The following RADIL variants were observed in gnomAD, a reference collection of about 807,000 sequenced individuals.
RADIL encodes ras-associating and dilute domain-containing protein.
Under a neutral mutation model 97.6 loss-of-function variants are expected in RADIL, and 99 were observed. The observed-to-expected ratio is 1.01, with a 90% CI of 0.86 to 1.20. RADIL has a LOEUF of 1.20. Ranked by LOEUF, RADIL falls within the 50% of genes most tolerant of loss-of-function variation. RADIL has a pLI of 0.00. For synonymous variants in RADIL, 803 were observed against 691.8 expected, an observed-to-expected ratio of 1.16 and a Z score of -2.52; for missense variants, 1,765 against 1,498.9, an observed-to-expected ratio of 1.18 and a Z score of -2.93.
At chr7:4,809,077 G>C (rs915296033) in intron 9 of RADIL, 1 of 980,316 alleles carries the variant, frequency 1.0e-6, no homozygotes, top group African/African-American at 1.8e-5. Flanking sequence ...GCCCCTCCGC[G>C]TCTCCTGTAG....
intron 2 of RADIL, chr7:4,865,346 G>T: frequency 1.8e-6 from 1 of 567,708 alleles, no homozygotes. Context: ...TATTTTTACT[G>T]TTTCTTTTCT....
At chr7:4,851,745 A>G (rs547409642) in intron 2 of RADIL, among the ~76,000 whole-genome samples, 3 of 152,280 alleles carry the variant, frequency 2.0e-5, no homozygotes, top group Admixed American at 6.5e-5. Flanking sequence ...AAATTAAAGA[A>G]CTGTTCAGCA....
intron 2 of RADIL, among the ~76,000 whole-genome samples, chr7:4,839,250 A>G (rs904253600): frequency 1.3e-5 from 2 of 152,220 alleles, no homozygotes; most frequent in African/African-American, 4.8e-5. Flanking sequence ...CCCCAAAGTC[A>G]TTCAGGAGTA....
intron 2 of RADIL, chr7:4,860,251 G>A (rs115215129): frequency 6.2e-6 from 10 of 1,613,920 alleles, no homozygotes; most frequent in South Asian, 3.3e-5. Context: ...AGCTGCTGTC[G>A]TTCAAATCTG....
intron 9 of RADIL, among the ~76,000 whole-genome samples, chr7:4,810,007 G>A (rs114167545): frequency 0.03 from 4,493 of 151,896 alleles, 90 homozygotes; most frequent in Middle Eastern, 0.051. Flanking sequence ...GTATATTTAC[G>A]CCATGCCTGG....
In RADIL at chr7:4,846,809, A is replaced by C. The variant is rs564200585; in HGVS notation, c.536-10204T>G. Among the ~76,000 whole-genome samples the C allele has an allele frequency of 5.9e-5, 9 of 152,006 alleles. No individual in the cohort carries two copies. In the South Asian group the frequency reaches 1.9e-3, roughly 32 times the overall value. On this transcript the variant is annotated intron_variant, in intron 2 of 14. Transcript: ENST00000399583. ...TGATCCACCCACCTCAGCCTCCCGAACTGCTGGGATTATAGGCATGAGCCA... is the reference window on the plus strand; with the variant it reads ...TGATCCACCCACCTCAGCCTCCCGACCTGCTGGGATTATAGGCATGAGCCA...
rs1783323144 is a variant in RADIL, at chr7:4,837,176, G to A, written c.536-571C>T. Among the ~76,000 whole-genome samples, 1 of 152,182 alleles carries A rather than the reference G, an allele frequency of 6.6e-6. No homozygotes were observed. The highest frequency in any genetic ancestry group is 6.5e-5 in the Admixed American group (1 of 15,280). ...AGCCTGCCTGTCAAATCCTCAGGCT[G>A]AGGGGACCACGCCTCCCCTGCAGCA... On this transcript the variant is annotated intron_variant, in intron 2 of 14. Transcript: ENST00000399583. This position sits in a 1 kb window ranked among gnomAD's most constrained non-coding sequence, Gnocchi z 5.6.
chr7:4,804,534 C>A (rs112207850), intron 10 of RADIL, among the ~76,000 whole-genome samples: 2,249 of 152,360 alleles, frequency 0.015, 55 homozygotes, highest in African/African-American at 0.051. Context: ...CGCCTGTAAT[C>A]CCAGCACTTT....
rs891650373 is a variant in RADIL at position 4,799,140 on chromosome 7, C to G, written c.*238G>C. 3.6e-6 allele frequency: 2 copies of G among 548,116 alleles called. No homozygotes were observed. The highest frequency in any genetic ancestry group is 1.9e-5 in the African/African-American group (1 of 52,668). The allele number at this position is 548,116 out of a possible 1,614,324, so 34.0% of individuals were successfully genotyped here. ...AAAAATAGTTTATTGAACCGTACTTCTCCATTGAAGTCTTTAAACATAAAA... is the reference window on the plus strand; with the variant it reads ...AAAAATAGTTTATTGAACCGTACTTGTCCATTGAAGTCTTTAAACATAAAA... On this transcript the variant is annotated 3_prime_UTR_variant, in exon 15 of 15. Transcript: ENST00000399583.
intron 2 of RADIL, among the ~76,000 whole-genome samples, chr7:4,850,288 C>T (rs1783677981): frequency 6.9e-6 from 1 of 145,838 alleles, no homozygotes; most frequent in African/African-American, 2.5e-5. Context: ...TGTAAGAAGT[C>T]CCCTGCAGAA....
intron 7 of RADIL, 90 bp from the exon 8 acceptor site, chr7:4,816,555 C>T (rs1183121432): frequency 6.5e-6 from 7 of 1,072,680 alleles, no homozygotes; most frequent in South Asian, 2.9e-5. Flanking sequence ...TCCCCACCCA[C>T]GCACTGCTTG....
intron 2 of RADIL, among the ~76,000 whole-genome samples, chr7:4,866,352 TAAATCCATG>T (rs1253429884): frequency 6.6e-6 from 1 of 152,208 alleles, no homozygotes; most frequent in Non-Finnish European, 1.5e-5. Flanking sequence ...CATTTATTTA[TAAATCCATG>T]AAATGGATTT....
At position 4,802,411 on chromosome 7, in the gene RADIL, C is replaced by G. The variant is rs571927109; in HGVS notation, c.2500-416G>C. Among the ~76,000 whole-genome samples, 81 of 146,492 alleles carry G rather than the reference C, an allele frequency of 5.5e-4. No homozygotes were observed. In the South Asian group the frequency reaches 8.0e-3, roughly 15 times the overall value. On this transcript the variant is annotated intron_variant, in intron 11 of 14. Transcript: ENST00000399583. Reference sequence around the variant, plus strand: ...ACCTCGGGGCACGCTGGCTGGGCCCCCTCCCCGGGCACCTCGGGGCACGCT... The same window carrying G: ...ACCTCGGGGCACGCTGGCTGGGCCCGCTCCCCGGGCACCTCGGGGCACGCT...
chr7:4,861,825 C>T, intron 2 of RADIL: 1 of 1,421,440 alleles, frequency 7.0e-7, no homozygotes, highest in Non-Finnish European at 9.2e-7. Flanking sequence ...CAGCGCCCGC[C>T]CCGCCAGGGC....
At chr7:4,823,410 T>C (rs1782889563) in intron 5 of RADIL, among the ~76,000 whole-genome samples, 1 of 145,122 alleles carries the variant, frequency 6.9e-6, no homozygotes, top group African/African-American at 2.5e-5. Context: ...CCTTAAGCAA[T>C]CCTCTTGCTT....
intron 2 of RADIL, among the ~76,000 whole-genome samples, chr7:4,851,506 C>T (rs970302287): frequency 1.3e-5 from 2 of 152,154 alleles, no homozygotes; most frequent in African/African-American, 2.4e-5. Context: ...AGACTGCCAG[C>T]GAAGGCTCAG....
intron 12 of RADIL, among the ~76,000 whole-genome samples, 160 bp downstream of exon 12, chr7:4,801,493 C>T (rs1333600864): frequency 1.3e-5 from 2 of 152,224 alleles, no homozygotes; most frequent in African/African-American, 4.8e-5. Context: ...GCTGAGCAGC[C>T]CTGAGCCCTC....
chr7:4,842,533 G>A lies in RADIL; in HGVS notation c.536-5928C>T, dbSNP rs1465253841. 2.0e-5 allele frequency among the ~76,000 whole-genome samples: 3 copies of A among 152,270 alleles called. No homozygotes were observed. In the East Asian group the frequency reaches 5.8e-4, roughly 29 times the overall value. ...GCTCTGCGTGCCGGGGGTGCACAGG[G>A]AAACTGGACAAGCAGCTGGTGACCG... On this transcript the variant is annotated intron_variant, in intron 2 of 14. Coordinates refer to ENST00000399583, the MANE Select transcript of RADIL (RefSeq NM_018059.5). The surrounding 1 kb of genome is among the most constrained non-coding windows in gnomAD (Gnocchi z 4.5).
chr7:4,845,834 T>C (rs369062530), intron 2 of RADIL, among the ~76,000 whole-genome samples: 1 of 152,198 alleles, frequency 6.6e-6, no homozygotes, highest in African/African-American at 2.4e-5. Flanking sequence ...AAGCCATTTG[T>C]TAGGCAGACA....
Sources: allele counts gnomAD v4.1 joint callset (sites outside exome capture counted in the v4.1 genomes callset), GRCh38; gene constraint gnomAD v4.1.1; non-coding constraint Gnocchi (gnomAD v3.1); transcripts MANE v1.5; gene names NCBI Gene and HGNC (gene_info 2026-07-23, HGNC 2026-07-21).